Variants in ATRX observed in about 807,000 individuals in gnomAD.
ATRX encodes chromatin remodeler ATRX.
A neutral mutation model predicts 172.6 loss-of-function variants in ATRX; 12 were observed. The observed-to-expected ratio is 0.07, with a 90% CI of 0.04 to 0.11. ATRX has a LOEUF of 0.11. ATRX is among the 10% of genes least tolerant of loss of function. ATRX has a pLI of 1.00. For missense variants in ATRX, 1,368 were observed against 1,767.4 expected (o/e 0.77, Z 4.05); for synonymous variants, 674 against 594.7 (o/e 1.13, Z -1.94).
At chrX:77,764,786 G>C (rs1339607883) in intron 1 of ATRX, among the ~76,000 whole-genome samples, 2 of 112,005 alleles carry the variant, frequency 1.8e-5, no homozygotes, top group Non-Finnish European at 3.8e-5. Context: ...ACTTAAAACA[G>C]TCAAAACTAC....
intron 2 of ATRX, among the ~76,000 whole-genome samples, chrX:77,716,315 A>AT (rs1326160021): frequency 1.7e-5 from 1 of 57,810 alleles, no homozygotes; most frequent in African/African-American, 5.3e-5. Context: ...AAAAAAAAAA[A>AT]AAAAAAAAAT....
At chrX:77,574,694 A>C (rs976716364) in intron 27 of ATRX, among the ~76,000 whole-genome samples, 1 of 111,835 alleles carries the variant, frequency 8.9e-6, no homozygotes, top group Non-Finnish European at 1.9e-5. Context: ...GCATGTTTTA[A>C]GTTATATCTG....
At chrX:77,647,837 G>A (rs112268540) in intron 15 of ATRX, among the ~76,000 whole-genome samples, 4,598 of 111,393 alleles carry the variant, frequency 0.041, 115 homozygotes, top group Non-Finnish European at 0.067. Flanking sequence ...AAATAGGAAT[G>A]TAATAAAGGA....
intron 6 of ATRX, among the ~76,000 whole-genome samples, chrX:77,693,553 T>C (rs782346646): frequency 8.9e-6 from 1 of 112,003 alleles, no homozygotes; most frequent in East Asian, 2.8e-4. Flanking sequence ...AACATAGTAT[T>C]ATGGCATATA....
chrX:77,508,175 G>T lies in ATRX; in HGVS notation c.*176C>A. 2.0e-6 allele frequency: 1 copy of T among 498,677 alleles called. No individual in the cohort carries two copies. The highest frequency in any genetic ancestry group is 3.2e-6 in the Non-Finnish European group (1 of 310,431). The allele number at this position is 498,677 out of a possible 1,213,427, so 41.1% of individuals were successfully genotyped here. Reference sequence around the variant, plus strand: ...ATTCTAGGCAACATCACTGACAAATGTCAGGAAGAAATGGTATGCCCTATT... The same window carrying T: ...ATTCTAGGCAACATCACTGACAAATTTCAGGAAGAAATGGTATGCCCTATT... On this transcript the variant is annotated 3_prime_UTR_variant, in exon 35 of 35. Coordinates refer to ENST00000373344, the MANE Select transcript of ATRX (RefSeq NM_000489.6).
chrX:77,721,841 A>C (rs782782613), intron 1 of ATRX, among the ~76,000 whole-genome samples: 111 of 111,702 alleles, frequency 9.9e-4, no homozygotes, highest in South Asian at 1.9e-3. Flanking sequence ...TTTCATATGG[A>C]ACCAAAAAAT....
rs782629714 is a variant in ATRX at position 77,682,675 on chromosome X, C to G, written c.2581G>C (p.Asp861His). Residue 861 changes from aspartate (D) to histidine (H), a missense_variant, in exon 9 of 35, where the codon GAT (aspartate) becomes CAT (histidine). Transcript: ENST00000373344. ...EDEKHSKKGM[D>H]NQGHKNLKTS... is the part of the protein sequence containing the mutation. ...TTCAAATTTTTGTGCCCTTGATTAT[C>G]CATTCCTTTTTTGCTGTGTTTCTCA... 8.3e-7 allele frequency: 1 copy of G among 1,209,112 alleles called. No individual in the cohort carries two copies. Among genetic ancestry groups the G allele is most frequent in the African/African-American group, 1.7e-5 (1 of 57,724 alleles).
chrX:77,600,781 T>G, intron 22 of ATRX: 1 of 324,255 alleles, frequency 3.1e-6, no homozygotes, highest in South Asian at 5.6e-5. Context: ...GAATTTGTAC[T>G]ACAGAAATAT....
chrX:77,636,885 GGAA>G (rs1459173036), intron 15 of ATRX, among the ~76,000 whole-genome samples: 6 of 94,728 alleles, frequency 6.3e-5, no homozygotes, highest in African/African-American at 1.6e-4. Context: ...AGGAGGAGGA[GGAA>G]GAAGAAGAAA....
intron 22 of ATRX, 37 bp downstream of exon 22, chrX:77,616,576 T>C: frequency 1.7e-6 from 2 of 1,155,080 alleles, no homozygotes; most frequent in Middle Eastern, 2.4e-4. Context: ...AGAATGTCTT[T>C]ATAGAGAAGA....
rs2063792419 is a variant in ATRX at position 77,537,527 on chromosome X, TAAAAAGAAAA to T, written c.6700-14136_6700-14127del. ...ATAGTGTGAAAGCTGACCCTCACCT[TAAAAAGAAAA>T]AAAAAGAAAGAAAAGAGCCTGGCAT... On this transcript the variant is annotated intron_variant, in intron 30 of 34. Coordinates refer to ENST00000373344, the MANE Select transcript of ATRX (RefSeq NM_000489.6). 6.4e-5 allele frequency among the ~76,000 whole-genome samples: 7 copies of T among 109,870 alleles called. No homozygotes were observed. The South Asian group carries it at 2.7e-3, about 43-fold the overall frequency.
intron 15 of ATRX, among the ~76,000 whole-genome samples, chrX:77,642,183 A>C (rs2068689940): frequency 9.0e-6 from 1 of 111,655 alleles, no homozygotes; most frequent in Non-Finnish European, 1.9e-5. Context: ...CAACAGAGTA[A>C]GACCCTGTCT....
intron 30 of ATRX, among the ~76,000 whole-genome samples, chrX:77,538,133 G>A (rs2063819433): frequency 9.2e-6 from 1 of 109,258 alleles, no homozygotes; most frequent in African/African-American, 3.3e-5. Flanking sequence ...AAACCACCAT[G>A]GCACACGTTT....
intron 15 of ATRX, among the ~76,000 whole-genome samples, chrX:77,643,610 G>A (rs2068767519): frequency 9.0e-6 from 1 of 110,730 alleles, no homozygotes; most frequent in African/African-American, 3.3e-5. Flanking sequence ...TAGAAACAGG[G>A]TCTCACAATG....
chrX:77,560,337 C>G (rs1315621589), intron 28 of ATRX, among the ~76,000 whole-genome samples: 1 of 111,294 alleles, frequency 9.0e-6, no homozygotes, highest in East Asian at 2.8e-4. Context: ...ATATTTCCTA[C>G]AGTTTTCTTT....
At chrX:77,523,475 G>A (rs2147764903) in intron 30 of ATRX, 74 bp from the exon 31 acceptor site, 2 of 1,049,875 alleles carry the variant, frequency 1.9e-6, no homozygotes, top group Non-Finnish European at 1.3e-6. Context: ...TAGTTCTATG[G>A]TCAACTGTAC....
At chrX:77,734,844 C>A (rs1252079218) in intron 1 of ATRX, among the ~76,000 whole-genome samples, 1 of 109,798 alleles carries the variant, frequency 9.1e-6, no homozygotes, top group African/African-American at 3.3e-5. Context: ...GGCACGGTGG[C>A]TCACGCCTGT....
chrX:77,517,831 G>C (rs2063103531), intron 34 of ATRX, among the ~76,000 whole-genome samples: 1 of 112,066 alleles, frequency 8.9e-6, no homozygotes, highest in Admixed American at 9.4e-5. Flanking sequence ...ACATGACCAA[G>C]TGGGATTTAT....
chrX:77,655,771 C>T (rs894664068), intron 13 of ATRX, among the ~76,000 whole-genome samples: 8 of 108,975 alleles, frequency 7.3e-5, no homozygotes, highest in Non-Finnish European at 1.3e-4. Context: ...TAATATATTG[C>T]TATATTCTAA....
Sources: gnomAD v4.1 joint callset for allele counts (sites outside exome capture counted in the v4.1 genomes callset) on GRCh38, gnomAD v4.1.1 for gene constraint, MANE v1.5 for transcripts, NCBI Gene and HGNC (gene_info 2026-07-23, HGNC 2026-07-21) for gene names.